MED13: variants seen among roughly 807,000 people sequenced by gnomAD.
MED13 encodes mediator of RNA polymerase II transcription subunit 13.
MED13 carries 23 observed loss-of-function variants against 225.2 expected under a neutral mutation model. That is an observed-to-expected ratio of 0.10 (90% confidence interval 0.07 to 0.14). MED13 has a LOEUF of 0.14. MED13 is among the 10% of genes least tolerant of loss of function. The probability of loss-of-function intolerance (pLI) is 1.00; values close to 1 mark genes in which losing one functional copy is unlikely to be tolerated. For synonymous variants in MED13, 942 were observed against 889.2 expected, an observed-to-expected ratio of 1.06 and a Z score of -1.06; for missense variants, 2,197 against 2,594.5, an observed-to-expected ratio of 0.85 and a Z score of 3.33.
intron 3 of MED13, among the ~76,000 whole-genome samples, chr17:62,047,744 A>G (rs941820076): frequency 2.0e-5 from 3 of 151,740 alleles, no homozygotes; most frequent in Admixed American, 6.6e-5. Context: ...AAATAAATAA[A>G]ATAAGATCAT....
At chr17:61,963,097 A>G in intron 20 of MED13, 126 bp from the exon 21 acceptor site, 1 of 690,086 alleles carries the variant, frequency 1.4e-6, no homozygotes, top group Non-Finnish European at 2.4e-6. Context: ...GCCTCTCTAA[A>G]AATGAAGGAC....
chr17:62,008,727 A>G (rs923263449), intron 9 of MED13, among the ~76,000 whole-genome samples: 1 of 152,156 alleles, frequency 6.6e-6, no homozygotes, highest in African/African-American at 2.4e-5. Context: ...TCACCAAGAA[A>G]ATAAAGGCAA....
rs908390203 is a variant in MED13, at chr17:61,944,000, C to G, written c.*2468G>C. 4 of 152,506 alleles carry G rather than the reference C, an allele frequency of 2.6e-5. No homozygotes were observed. Among genetic ancestry groups the G allele is most frequent in the Admixed American group, 6.6e-5 (1 of 15,260 alleles). 9.4% of individuals were successfully genotyped at this position (152,506 alleles called of 1,614,324 possible). On this transcript the variant is annotated 3_prime_UTR_variant, in exon 30 of 30. Transcript: ENST00000397786. ...GTCAAATCCATCATCCTGCACAAGG[C>G]TTAATTTCTCAAATAAGTCTACTGA...
At chr17:61,983,731 CTTT>C (rs57772316) in intron 15 of MED13, among the ~76,000 whole-genome samples, 11 of 138,440 alleles carry the variant, frequency 7.9e-5, no homozygotes, top group African/African-American at 1.1e-4. Flanking sequence ...CCCAATTAAC[CTTT>C]TTTTTTTTTT....
chr17:62,005,325 G>A (rs1456320820), intron 9 of MED13: 1 of 152,192 alleles, frequency 6.6e-6, no homozygotes, highest in Non-Finnish European at 1.5e-5. Context: ...TAAAATCATA[G>A]ATGGGCAGAG....
chr17:61,985,016 G>T lies in MED13; in HGVS notation c.2460C>A (p.Asp820Glu), dbSNP rs2080235840. The T allele has an allele frequency of 6.2e-7, 1 of 1,613,812 alleles. No individual in the cohort carries two copies. Among genetic ancestry groups the T allele is most frequent in the Non-Finnish European group, 8.5e-7 (1 of 1,179,912 alleles). ...SCKESKTGNLDPLSCISTADL... is the reference protein window; with the variant it reads ...SCKESKTGNLEPLSCISTADL... Reference sequence around the variant, plus strand: ...GAAGCTTACTTATGCAAGATAACGGGTCCAGATTTCCTGTCTTTGATTCCT... The same window carrying T: ...GAAGCTTACTTATGCAAGATAACGGTTCCAGATTTCCTGTCTTTGATTCCT... Residue 820 changes from aspartate to glutamate, a missense_variant, in exon 13 of 30, where the codon GAC becomes GAA. Asp to Glu is a conservative substitution (Grantham distance 45). Transcript: ENST00000397786.
At chr17:61,964,665 G>A (rs1205939654) in intron 20 of MED13, among the ~76,000 whole-genome samples, 1 of 152,048 alleles carries the variant, frequency 6.6e-6, no homozygotes, top group Non-Finnish European at 1.5e-5. Flanking sequence ...GCTGGGCGTG[G>A]TGGCTCACGT....
chr17:62,035,859 G>C (rs2080798615), intron 3 of MED13, among the ~76,000 whole-genome samples: 2 of 152,112 alleles, frequency 1.3e-5, no homozygotes, highest in African/African-American at 4.8e-5. Context: ...TTCACACATA[G>C]AATTATTATA....
intron 16 of MED13, among the ~76,000 whole-genome samples, chr17:61,976,800 CG>C (rs2080160497): frequency 6.6e-6 from 1 of 152,018 alleles, no homozygotes; most frequent in African/African-American, 2.4e-5. Flanking sequence ...GGGCATGTGG[CG>C]GGCACCTGTA....
At chr17:62,035,685 G>A in intron 3 of MED13, 77 bp from the exon 4 acceptor site, 1 of 1,432,096 alleles carries the variant, frequency 7.0e-7, no homozygotes, top group Admixed American at 2.6e-5. Flanking sequence ...TTATTAGGAA[G>A]TATGCAAAAA....
At chr17:62,032,902 C>T (rs1013523590) in intron 5 of MED13, among the ~76,000 whole-genome samples, 1 of 152,178 alleles carries the variant, frequency 6.6e-6, no homozygotes, top group African/African-American at 2.4e-5. Flanking sequence ...GTAATCCCAG[C>T]ACTCTGGGAG....
At chr17:61,986,067 G>A (rs1310780555) in intron 12 of MED13, among the ~76,000 whole-genome samples, 1 of 152,092 alleles carries the variant, frequency 6.6e-6, no homozygotes, top group Non-Finnish European at 1.5e-5. Context: ...TGTAGACCAC[G>A]TTCTGACTAC....
chr17:61,985,115 T>C, intron 12 of MED13, 25 bp from the exon 13 acceptor site: 2 of 1,586,410 alleles, frequency 1.3e-6, no homozygotes, highest in South Asian at 1.1e-5. Flanking sequence ...CACATATTTA[T>C]CTAAAATTTT....
At chr17:61,992,721 T>C (rs1603398763) in intron 10 of MED13, 100 bp from the exon 11 acceptor site, 1 of 760,080 alleles carries the variant, frequency 1.3e-6, no homozygotes, top group African/African-American at 1.7e-5. Context: ...CAGCTAAGTG[T>C]TTAACATACA....
chr17:62,060,145 T>G (rs931645928), intron 2 of MED13, among the ~76,000 whole-genome samples: 2 of 151,562 alleles, frequency 1.3e-5, no homozygotes, highest in African/African-American at 4.9e-5. Context: ...TACAAAAAAT[T>G]AGCCGAGTGT....
At chr17:62,061,613 T>G (rs938310371) in intron 2 of MED13, among the ~76,000 whole-genome samples, 1 of 152,182 alleles carries the variant, frequency 6.6e-6, no homozygotes, top group African/African-American at 2.4e-5. Flanking sequence ...AACATTCTAG[T>G]AAGGTGATTT....
At chr17:62,036,557 T>C (rs955819106) in intron 3 of MED13, among the ~76,000 whole-genome samples, 1 of 152,250 alleles carries the variant, frequency 6.6e-6, no homozygotes, top group African/African-American at 2.4e-5. Flanking sequence ...TAAACTATGA[T>C]ATTAATCAAC....
At chr17:62,051,637 A>T (rs1244206231) in intron 3 of MED13, among the ~76,000 whole-genome samples, 3 of 152,056 alleles carry the variant, frequency 2.0e-5, no homozygotes, top group Non-Finnish European at 4.4e-5. Flanking sequence ...AGTTTGAAAA[A>T]ACAAACAAAC....
intron 3 of MED13, among the ~76,000 whole-genome samples, chr17:62,049,078 C>CAAAAAAAAAAAAAAAAAAA (rs890393330): frequency 3.5e-4 from 16 of 45,296 alleles, no homozygotes; most frequent in African/African-American, 1.0e-3. Flanking sequence ...GTAAATAAGA[C>CAAAAAAAAAAAAAAAAAAA]AAAAAAAAAA....
Sources: gnomAD v4.1 joint callset for allele counts (sites outside exome capture counted in the v4.1 genomes callset) on GRCh38, gnomAD v4.1.1 for gene constraint, MANE v1.5 for transcripts, NCBI Gene and HGNC (gene_info 2026-07-23, HGNC 2026-07-21) for gene names.